The following EXOC2 variants were observed in gnomAD, a reference collection of about 807,000 sequenced individuals.
EXOC2 encodes the protein SEC5-like 1.
A neutral mutation model predicts 131.8 loss-of-function variants in EXOC2; 70 were observed. The observed-to-expected ratio is 0.53, with a 90% CI of 0.44 to 0.65. EXOC2 has a LOEUF of 0.65. Among genes scored for constraint, EXOC2 ranks in the 30% least tolerant of loss-of-function variants. The pLI, the probability that EXOC2 is intolerant of heterozygous loss-of-function variation, is 0.00. For synonymous variants in EXOC2, 411 were observed against 398.4 expected (o/e 1.03, Z -0.38); for missense variants, 923 against 1,108.6 (o/e 0.83, Z 2.38).
At chr6:605,757 T>C (rs570323150) in intron 7 of EXOC2, among the ~76,000 whole-genome samples, 89 of 152,338 alleles carry the variant, frequency 5.8e-4, no homozygotes, top group African/African-American at 2.0e-3. Context: ...TTGAATGTGT[T>C]TGCTCTTGCT....
intron 6 of EXOC2, among the ~76,000 whole-genome samples, chr6:614,304 G>A (rs982397651): frequency 4.6e-5 from 7 of 152,188 alleles, no homozygotes; most frequent in Non-Finnish European, 1.0e-4. Context: ...TGACGGGGCC[G>A]TACTACAGAC....
chr6:621,817 T>G (rs549608328), intron 4 of EXOC2, among the ~76,000 whole-genome samples: 1 of 152,322 alleles, frequency 6.6e-6, no homozygotes, highest in East Asian at 1.9e-4. Flanking sequence ...TAGAAGTTTA[T>G]TTTGGTTTGG....
chr6:602,744 C>T (rs1288779444), intron 7 of EXOC2, among the ~76,000 whole-genome samples: 3 of 152,194 alleles, frequency 2.0e-5, no homozygotes, highest in African/African-American at 7.2e-5. Context: ...GTCTCGGTCA[C>T]ACAGGAACTG....
At chr6:530,339 C>T (rs1766003800) in intron 23 of EXOC2, among the ~76,000 whole-genome samples, 1 of 152,224 alleles carries the variant, frequency 6.6e-6, no homozygotes, top group Admixed American at 6.5e-5. Flanking sequence ...TCCACAAACA[C>T]ACACACAGCA....
At chr6:535,005 G>C (rs1383867170) in intron 22 of EXOC2, among the ~76,000 whole-genome samples, 2 of 152,134 alleles carry the variant, frequency 1.3e-5, no homozygotes, top group African/African-American at 4.8e-5. Flanking sequence ...GAAATTTATA[G>C]CTGAAAATGT....
intron 13 of EXOC2, among the ~76,000 whole-genome samples, chr6:568,070 G>C (rs983933304): frequency 6.6e-6 from 1 of 152,210 alleles, no homozygotes; most frequent in South Asian, 2.1e-4. Flanking sequence ...GGAATGTCAG[G>C]AGCTAAATCT....
chr6:661,173 T>C (rs965572307), intron 1 of EXOC2, among the ~76,000 whole-genome samples: 1 of 152,160 alleles, frequency 6.6e-6, no homozygotes, highest in Non-Finnish European at 1.5e-5. Context: ...AACCTAATAA[T>C]CGGTGTTCCT....
At chr6:613,470 C>T (rs1760820224) in intron 6 of EXOC2, among the ~76,000 whole-genome samples, 1 of 151,956 alleles carries the variant, frequency 6.6e-6, no homozygotes, top group South Asian at 2.1e-4. Context: ...AAAAAAACAA[C>T]AAAAAAAGAG....
chr6:590,570 G>T (rs1029292852), intron 11 of EXOC2, among the ~76,000 whole-genome samples: 7 of 152,302 alleles, frequency 4.6e-5, no homozygotes, highest in African/African-American at 1.7e-4. Context: ...ATGTCATCCA[G>T]TTAGGGGCTC....
intron 25 of EXOC2, among the ~76,000 whole-genome samples, chr6:496,950 G>A (rs913098806): frequency 2.0e-5 from 3 of 152,204 alleles, no homozygotes; most frequent in Non-Finnish European, 4.4e-5. Context: ...GGTGTTTACG[G>A]CAGTTATAAT....
intron 1 of EXOC2, chr6:656,560 C>T (rs370937142): frequency 6.3e-7 from 1 of 1,594,594 alleles, no homozygotes; most frequent in Admixed American, 1.7e-5. Context: ...AGATCGTGCA[C>T]CACGCTGCGA....
Position 564,040 on chromosome 6 carries a change from C to A in EXOC2, c.1782G>T (p.Thr594=), listed in dbSNP as rs991889791. Residue 594 remains threonine, a synonymous_variant, in exon 16 of 28, where the codon ACG becomes ACT. Transcript: ENST00000230449. The part of the protein sequence containing the change: ...VRCVMATLQH[T]AEEIKRLAEK... ...CGATTTATCAAAACACACCTTCCGCCGTGTGCTGCAACGTGGCCATTACGC... is the reference window on the plus strand; with the variant it reads ...CGATTTATCAAAACACACCTTCCGCAGTGTGCTGCAACGTGGCCATTACGC... 3 of 1,613,734 alleles carry A rather than the reference C, an allele frequency of 1.9e-6. No individual in the cohort carries two copies. Among genetic ancestry groups the A allele is most frequent in the African/African-American group, 2.7e-5 (2 of 74,892 alleles).
Position 598,142 on chromosome 6 carries a change from A to AT in EXOC2, c.971-20dup. ...GCATAATCTATTTAAAAAGAAAAGA[A>AT]TACACAAGATTTACAGAATGAAAAT... On this transcript the variant is annotated intron_variant, in intron 9 of 27. Transcript: ENST00000230449. The AT allele has an allele frequency of 6.4e-7, 1 of 1,553,452 alleles. No individual in the cohort carries two copies. Among genetic ancestry groups the AT allele is most frequent in the East Asian group, 2.3e-5 (1 of 44,408 alleles).
intron 3 of EXOC2, among the ~76,000 whole-genome samples, chr6:631,329 G>A (rs912073945): frequency 3.3e-5 from 5 of 152,110 alleles, no homozygotes; most frequent in Admixed American, 1.3e-4. Flanking sequence ...CACAAGGTCC[G>A]GAGTTCGAGA....
intron 23 of EXOC2, among the ~76,000 whole-genome samples, chr6:516,914 A>G (rs544390062): frequency 1.3e-5 from 2 of 152,352 alleles, no homozygotes; most frequent in African/African-American, 4.8e-5. Context: ...CCAGCGCCTC[A>G]CTGACGGAGA....
chr6:624,404 G>A (rs768472895), intron 4 of EXOC2, among the ~76,000 whole-genome samples: 1 of 152,222 alleles, frequency 6.6e-6, no homozygotes, highest in Non-Finnish European at 1.5e-5. Context: ...GATCAGAGTA[G>A]ATAATGCTTG....
At chr6:644,390 A>G (rs1762487379) in intron 1 of EXOC2, among the ~76,000 whole-genome samples, 1 of 152,156 alleles carries the variant, frequency 6.6e-6, no homozygotes, top group African/African-American at 2.4e-5. Flanking sequence ...AGGATCACCT[A>G]ACATCCTACT....
chr6:499,108 C>T (rs1333279178), intron 24 of EXOC2, among the ~76,000 whole-genome samples: 1 of 152,048 alleles, frequency 6.6e-6, no homozygotes, highest in Non-Finnish European at 1.5e-5. Context: ...TTTCGCATGG[C>T]CCAGAAGCAC....
chr6:688,493 G>T (rs35999463), intron 1 of EXOC2, among the ~76,000 whole-genome samples: 21,744 of 152,184 alleles, frequency 0.14, 1,715 homozygotes, highest in African/African-American at 0.2. Flanking sequence ...TCACAGAAGC[G>T]CCTGATAGAT....
Sources: gnomAD v4.1 joint callset for allele counts (sites outside exome capture counted in the v4.1 genomes callset) on GRCh38, gnomAD v4.1.1 for gene constraint, MANE v1.5 for transcripts, NCBI Gene and HGNC (gene_info 2026-07-23, HGNC 2026-07-21) for gene names.